The following EPHA7 variants were observed in gnomAD, a reference collection of about 807,000 sequenced individuals.
EPHA7 encodes the protein EPH receptor A7.
A neutral mutation model predicts 112.6 loss-of-function variants in EPHA7; 25 were observed. The observed-to-expected ratio is 0.22, with a 90% confidence interval of 0.16 to 0.31. EPHA7 has a LOEUF of 0.31. Among genes scored for constraint, EPHA7 ranks in the 10% least tolerant of loss-of-function variants. The probability of loss-of-function intolerance (pLI) is 1.00; values close to 1 mark genes in which losing one functional copy is unlikely to be tolerated. For synonymous variants in EPHA7, 437 were observed against 406.5 expected (o/e 1.07, Z -0.90); for missense variants, 962 against 1,212.6 (o/e 0.79, Z 3.07).
In EPHA7 at chr6:93,318,920, A is replaced by G. The variant is rs186732143; in HGVS notation, c.1324+37797T>C. On this transcript the variant is annotated intron_variant, in intron 5 of 16. Coordinates refer to ENST00000369303, the MANE Select transcript of EPHA7 (RefSeq NM_004440.4). The stretch of plus-strand genomic sequence containing the variant: ...TTTCTGGCATTTCAACCTCTGAACC[A>G]TTGTTGTCACTTAAATTTAGATTTC... Among the ~76,000 whole-genome samples, 337 of 152,236 alleles carry G rather than the reference A, an allele frequency of 2.2e-3. 1 individual carries two copies. Among genetic ancestry groups the G allele is most frequent in the African/African-American group, 7.4e-3 (307 of 41,556 alleles).
chr6:93,321,260 A>G (rs969853943), intron 5 of EPHA7, among the ~76,000 whole-genome samples: 4 of 151,976 alleles, frequency 2.6e-5, no homozygotes, highest in Non-Finnish European at 5.9e-5. Context: ...CATTGTAACA[A>G]GCACCTAATA....
chr6:93,289,390 T>C (rs1215377731), intron 5 of EPHA7, among the ~76,000 whole-genome samples: 2 of 152,076 alleles, frequency 1.3e-5, no homozygotes, highest in African/African-American at 2.4e-5. Flanking sequence ...TAATTCATAG[T>C]TTATAAACAG....
At chr6:93,412,010 AT>A (rs1778999700) in intron 2 of EPHA7, among the ~76,000 whole-genome samples, 1 of 152,082 alleles carries the variant, frequency 6.6e-6, no homozygotes, top group Admixed American at 6.6e-5. Flanking sequence ...AAAAAAGTGC[AT>A]TTGTCAGAAT....
chr6:93,247,464 T>A (rs1770005017), intron 14 of EPHA7, among the ~76,000 whole-genome samples: 1 of 152,190 alleles, frequency 6.6e-6, no homozygotes. Flanking sequence ...ACCAAGCACA[T>A]GAGTCTTTTA....
chr6:93,278,709 T>A (rs1269565231), intron 5 of EPHA7, among the ~76,000 whole-genome samples: 1 of 151,742 alleles, frequency 6.6e-6, no homozygotes, highest in East Asian at 1.9e-4. Context: ...TTCTTGCTGT[T>A]TTTTTTTGTT....
chr6:93,374,857 G>A (rs1776972641), intron 3 of EPHA7, among the ~76,000 whole-genome samples: 1 of 152,146 alleles, frequency 6.6e-6, no homozygotes, highest in Non-Finnish European at 1.5e-5. Flanking sequence ...TTGGCACACA[G>A]TAAGTAATTT....
chr6:93,243,425 ATCAC>A lies in EPHA7; in HGVS notation c.2994_2997del (p.Ter999MetfsTer27). ...TCTCCCTTAAAAGGGAGAAATGCAT[ATCAC>A]ACTTGAATGCCAGTTCCATGTAAAT... On this transcript the variant is annotated frameshift_variant and stop_lost, in exon 17 of 17. Transcript: ENST00000369303. LOFTEE classifies it high-confidence loss of function. The A allele has an allele frequency of 1.2e-6, 2 of 1,607,696 alleles. No homozygotes were observed. Among genetic ancestry groups the A allele is most frequent in the Non-Finnish European group, 1.7e-6 (2 of 1,174,462 alleles).
intron 9 of EPHA7, among the ~76,000 whole-genome samples, chr6:93,262,388 T>C (rs1436027490): frequency 6.6e-6 from 1 of 151,340 alleles, no homozygotes; most frequent in Non-Finnish European, 1.5e-5. Flanking sequence ...AAGTGGGGTA[T>C]AGAAACACAC....
chr6:93,284,887 C>A (rs763716965), intron 5 of EPHA7, among the ~76,000 whole-genome samples: 1 of 151,936 alleles, frequency 6.6e-6, no homozygotes, highest in East Asian at 1.9e-4. Context: ...AGGAGAAATA[C>A]GTAATGTAGA....
chr6:93,358,179 T>C, intron 4 of EPHA7, 77 bp downstream of exon 4: 3 of 1,094,452 alleles, frequency 2.7e-6, no homozygotes, highest in Non-Finnish European at 3.7e-6. Flanking sequence ...AAATTCAATA[T>C]CTATTTCATT....
chr6:93,340,544 T>C (rs1333462276), intron 5 of EPHA7, among the ~76,000 whole-genome samples: 1 of 151,726 alleles, frequency 6.6e-6, no homozygotes, highest in East Asian at 1.9e-4. Flanking sequence ...GAACAGTAAG[T>C]ATAATACAAA....
intron 3 of EPHA7, among the ~76,000 whole-genome samples, chr6:93,385,287 C>T (rs188745283): frequency 2.4e-4 from 36 of 152,098 alleles, no homozygotes; most frequent in African/African-American, 5.3e-4. Flanking sequence ...TATATGTGTA[C>T]GCATATGAAT....
chr6:93,354,496 C>G (rs936551491), intron 5 of EPHA7, among the ~76,000 whole-genome samples: 1 of 150,982 alleles, frequency 6.6e-6, no homozygotes, highest in African/African-American at 2.4e-5. Context: ...TTCTTTTCAT[C>G]GAGGTATAAT....
chr6:93,253,366 C>T (rs2127853570), intron 14 of EPHA7, among the ~76,000 whole-genome samples: 1 of 152,124 alleles, frequency 6.6e-6, no homozygotes, highest in African/African-American at 2.4e-5. Flanking sequence ...GATTTATAAC[C>T]TTCCTCTTTT....
chr6:93,269,653 C>T lies in EPHA7; in HGVS notation c.1457G>A (p.Arg486Lys). ...YEIKYYEKDQ[R>K]ERTYSTVKTK... The stretch of plus-strand genomic sequence containing the variant: ...TTTTACTGTTGAGTAGGTCCGTTCC[C>T]TTTGATCCTAGAAACAATATTTAGA... Residue 486 changes from arginine to lysine, a missense_variant, in exon 7 of 17, where the codon AGG becomes AAG. Arg to Lys is a conservative substitution (Grantham distance 26, BLOSUM62 2). This residue lies in a region of EPHA7 where 746 missense variants were observed against 889.2 expected (regional missense o/e 0.84). Transcript: ENST00000369303. 6.6e-7 allele frequency: 1 copy of T among 1,520,706 alleles called. No individual in the cohort carries two copies. The highest frequency in any genetic ancestry group is 8.8e-7 in the Non-Finnish European group (1 of 1,138,858). 94.2% of individuals were successfully genotyped at this position (1,520,706 alleles called of 1,614,324 possible).
chr6:93,244,182 T>C (rs1336274874), intron 16 of EPHA7, among the ~76,000 whole-genome samples: 1 of 152,154 alleles, frequency 6.6e-6, no homozygotes, highest in East Asian at 1.9e-4. Context: ...TACAATGAGC[T>C]GATGTCTTTA....
chr6:93,343,439 G>C (rs1775237801), intron 5 of EPHA7, among the ~76,000 whole-genome samples: 1 of 151,600 alleles, frequency 6.6e-6, no homozygotes, highest in African/African-American at 2.4e-5. Context: ...GATATACAGG[G>C]TTTGTGTTTG....
At chr6:93,255,778 T>C (rs371184960) in intron 13 of EPHA7, 50 bp downstream of exon 13, 5 of 1,502,338 alleles carry the variant, frequency 3.3e-6, no homozygotes, top group East Asian at 2.3e-5. Flanking sequence ...GCTTTCGTGG[T>C]AGAAAAATCT....
chr6:93,386,961 G>A (rs549711812), intron 3 of EPHA7, among the ~76,000 whole-genome samples: 8 of 152,166 alleles, frequency 5.3e-5, no homozygotes, highest in African/African-American at 1.9e-4. Flanking sequence ...TTCCTCCTAG[G>A]CCTCTGGACC....
Sources: gnomAD v4.1 joint callset for allele counts (sites outside exome capture counted in the v4.1 genomes callset) on GRCh38, gnomAD v4.1.1 for gene constraint, gnomAD v4.1.1 regional missense constraint, MANE v1.5 for transcripts, NCBI Gene and HGNC (gene_info 2026-07-23, HGNC 2026-07-21) for gene names.